MACROD2: variants seen among roughly 807,000 people sequenced by gnomAD.
The protein encoded by MACROD2 is ADP-ribose glycohydrolase MACROD2.
A neutral mutation model predicts 70.4 loss-of-function variants in MACROD2; 36 were observed. The ratio of observed to expected loss-of-function variants is 0.51; its 90% confidence interval spans 0.39 to 0.68. The LOEUF is 0.68. Among genes scored for constraint, MACROD2 ranks in the 30% least tolerant of loss-of-function variants. The pLI is 0.00. For missense variants in MACROD2, 496 were observed against 538.4 expected, an observed-to-expected ratio of 0.92 and a Z score of 0.78; for synonymous variants, 172 against 178.8, an observed-to-expected ratio of 0.96 and a Z score of 0.30.
intron 2 of MACROD2, among the ~76,000 whole-genome samples, chr20:14,041,468 G>A (rs993770943): frequency 6.6e-6 from 1 of 152,032 alleles, no homozygotes; most frequent in Admixed American, 6.6e-5. Context: ...AAAAAATAAG[G>A]CAAATATGAT....
At chr20:15,790,057 A>G (rs2063610143) in intron 8 of MACROD2, among the ~76,000 whole-genome samples, 1 of 117,876 alleles carries the variant, frequency 8.5e-6, no homozygotes, top group South Asian at 2.4e-4. Context: ...TTTCCAAAAC[A>G]GAGAAGTAAT....
At chr20:14,416,118 C>T (rs904736949) in intron 3 of MACROD2, among the ~76,000 whole-genome samples, 1 of 151,984 alleles carries the variant, frequency 6.6e-6, no homozygotes, top group Non-Finnish European at 1.5e-5. Flanking sequence ...ACCACCACGC[C>T]CAGCTAATTT....
intron 3 of MACROD2, among the ~76,000 whole-genome samples, chr20:14,135,548 C>G (rs553498179): frequency 2.6e-5 from 4 of 151,886 alleles, no homozygotes. Flanking sequence ...GTGGAACATG[C>G]ACCTGTAGTC....
intron 4 of MACROD2, among the ~76,000 whole-genome samples, chr20:14,516,539 C>A (rs2085101871): frequency 6.6e-6 from 1 of 152,140 alleles, no homozygotes; most frequent in African/African-American, 2.4e-5. Context: ...GTTTTCCCAG[C>A]ACAGTTTATT....
At chr20:14,191,265 A>C (rs2081385982) in intron 3 of MACROD2, among the ~76,000 whole-genome samples, 1 of 152,116 alleles carries the variant, frequency 6.6e-6, no homozygotes, top group Non-Finnish European at 1.5e-5. Context: ...TCAGCCCTTG[A>C]TATTTTCCCT....
At chr20:15,019,145 T>A (rs1368516913) in intron 5 of MACROD2, among the ~76,000 whole-genome samples, 1 of 152,090 alleles carries the variant, frequency 6.6e-6, no homozygotes, top group Non-Finnish European at 1.5e-5. Flanking sequence ...TTTCCCTTCT[T>A]CCTCTGAACA....
chr20:14,334,520 G>C (rs78767221), intron 3 of MACROD2, among the ~76,000 whole-genome samples: 3 of 152,200 alleles, frequency 2.0e-5, no homozygotes, highest in East Asian at 1.9e-4. Context: ...TGCCCACTGG[G>C]GGGTGGTACA....
chr20:15,594,392 G>A (rs1386475086), intron 8 of MACROD2, among the ~76,000 whole-genome samples: 10 of 151,420 alleles, frequency 6.6e-5, no homozygotes, highest in East Asian at 5.8e-4. Flanking sequence ...GCTCCAGATC[G>A]TACTACTGCA....
At chr20:15,531,469 C>T (rs926983962) in intron 8 of MACROD2, among the ~76,000 whole-genome samples, 10 of 151,850 alleles carry the variant, frequency 6.6e-5, no homozygotes, top group Admixed American at 1.3e-4. Flanking sequence ...TAAGATTTAA[C>T]GGCTGTTATA....
chr20:15,070,654 G>A (rs2075611961), intron 5 of MACROD2, among the ~76,000 whole-genome samples: 1 of 152,066 alleles, frequency 6.6e-6, no homozygotes, highest in Admixed American at 6.6e-5. Context: ...TTCTCATCAT[G>A]TGACACACTG....
intron 2 of MACROD2, among the ~76,000 whole-genome samples, chr20:14,045,225 G>C (rs2053454647): frequency 6.6e-6 from 1 of 152,380 alleles, no homozygotes; most frequent in Admixed American, 6.5e-5. Flanking sequence ...CCAGAAAGGG[G>C]CTCCCACAGT....
intron 8 of MACROD2, among the ~76,000 whole-genome samples, chr20:15,729,923 G>T (rs2050922471): frequency 1.4e-5 from 2 of 138,174 alleles, no homozygotes; most frequent in African/African-American, 2.7e-5. Context: ...CCACCTCCCA[G>T]GTTCAAGTGA....
chr20:15,448,929 C>T (rs570360494), intron 7 of MACROD2, among the ~76,000 whole-genome samples: 1 of 152,224 alleles, frequency 6.6e-6, no homozygotes, highest in African/African-American at 2.4e-5. Context: ...AAATGGTCAT[C>T]TTTTCTCTTA....
At chr20:14,758,342 A>G (rs1189380139) in intron 5 of MACROD2, among the ~76,000 whole-genome samples, 1 of 152,130 alleles carries the variant, frequency 6.6e-6, no homozygotes, top group Non-Finnish European at 1.5e-5. Flanking sequence ...AAGCAGAAGT[A>G]ATCTGCATTC....
intron 3 of MACROD2, among the ~76,000 whole-genome samples, chr20:14,209,845 C>T (rs185561296): frequency 6.6e-6 from 1 of 152,252 alleles, no homozygotes; most frequent in African/African-American, 2.4e-5. Flanking sequence ...AAATGTAGTC[C>T]ACTTTGTGCC....
intron 8 of MACROD2, among the ~76,000 whole-genome samples, chr20:15,812,166 C>A (rs2063827948): frequency 6.6e-6 from 1 of 152,188 alleles, no homozygotes; most frequent in Non-Finnish European, 1.5e-5. Flanking sequence ...AAAATCAGGG[C>A]CGTCCCCCAC....
At chr20:15,214,527 A>G (rs977062186) in intron 5 of MACROD2, among the ~76,000 whole-genome samples, 3 of 152,218 alleles carry the variant, frequency 2.0e-5, no homozygotes, top group Non-Finnish European at 2.9e-5. Flanking sequence ...ATCTCTAAAA[A>G]AACAAAACAA....
chr20:14,517,527 G>GGGCCTGTCAGT (rs1334177323), intron 4 of MACROD2, among the ~76,000 whole-genome samples: 1 of 152,092 alleles, frequency 6.6e-6, no homozygotes, highest in Non-Finnish European at 1.5e-5. Flanking sequence ...TCACACACCG[G>GGGCCTGTCAGT]GGCCTGTCAG....
intron 5 of MACROD2, among the ~76,000 whole-genome samples, chr20:14,967,184 T>A (rs1389678329): frequency 6.6e-6 from 1 of 152,216 alleles, no homozygotes; most frequent in Non-Finnish European, 1.5e-5. Flanking sequence ...AAATGATTTT[T>A]GTTAGTTTTG....
Sources: gnomAD v4.1 joint callset for allele counts (sites outside exome capture counted in the v4.1 genomes callset) on GRCh38, gnomAD v4.1.1 for gene constraint, MANE v1.5 for transcripts, NCBI Gene and HGNC (gene_info 2026-07-23, HGNC 2026-07-21) for gene names.